Variants in CSMD1 observed in about 807,000 individuals in gnomAD.
CSMD1 encodes CUB and Sushi multiple domains 1.
CSMD1 carries 213 observed loss-of-function variants against 417.5 expected under a neutral mutation model. The observed-to-expected ratio is 0.51, with a 90% CI of 0.46 to 0.57. The LOEUF (loss-of-function observed/expected upper bound fraction) is 0.57. Ranked by LOEUF, CSMD1 falls within the 20% of genes least tolerant of loss-of-function variation. The pLI is 0.00. For missense variants in CSMD1, 6,923 were observed against 4,529.7 expected, an observed-to-expected ratio of 1.53 and a Z score of -15.17; for synonymous variants, 2,862 against 1,736.8, an observed-to-expected ratio of 1.65 and a Z score of -16.11.
chr8:3,119,702 A>C (rs547492343), intron 41 of CSMD1, among the ~76,000 whole-genome samples: 2 of 152,336 alleles, frequency 1.3e-5, no homozygotes, highest in East Asian at 3.9e-4. Context: ...CCTCTCTAGC[A>C]TCTTTGAATA....
intron 8 of CSMD1, among the ~76,000 whole-genome samples, chr8:3,605,854 C>G (rs1320517405): frequency 6.6e-6 from 1 of 152,172 alleles, no homozygotes; most frequent in African/African-American, 2.4e-5. Flanking sequence ...AATCTATTCT[C>G]TGATGAGCAG....
intron 1 of CSMD1, among the ~76,000 whole-genome samples, chr8:4,824,355 G>A (rs183272301): frequency 6.6e-6 from 1 of 152,200 alleles, no homozygotes; most frequent in East Asian, 1.9e-4. Flanking sequence ...ATGAAAGTCT[G>A]AATGATATGC....
chr8:4,581,257 CA>C (rs1799404405), intron 2 of CSMD1, among the ~76,000 whole-genome samples: 1 of 152,046 alleles, frequency 6.6e-6, no homozygotes, highest in African/African-American at 2.4e-5. Context: ...TTGGGCATTT[CA>C]AAATGTTTAT....
chr8:3,556,241 C>T (rs11988000), intron 10 of CSMD1, among the ~76,000 whole-genome samples: 29,398 of 151,012 alleles, frequency 0.19, 4,545 homozygotes, highest in African/African-American at 0.44. Flanking sequence ...GGATCCTTTC[C>T]ATGTTTTTTG....
chr8:4,321,686 T>C (rs547494448), intron 3 of CSMD1, among the ~76,000 whole-genome samples: 99 of 152,320 alleles, frequency 6.5e-4, no homozygotes, highest in African/African-American at 2.2e-3. Context: ...ATTCCTAAGA[T>C]AGTGATAGGA....
chr8:4,159,049 G>A (rs1289851613), intron 3 of CSMD1, among the ~76,000 whole-genome samples: 2 of 152,046 alleles, frequency 1.3e-5, no homozygotes, highest in South Asian at 2.1e-4. Flanking sequence ...CATAGTAACT[G>A]GGATTACAGG....
At chr8:4,076,373 G>T (rs760863754) in intron 3 of CSMD1, among the ~76,000 whole-genome samples, 4 of 152,150 alleles carry the variant, frequency 2.6e-5, no homozygotes, top group East Asian at 1.9e-4. Context: ...AAGTTACCCT[G>T]TCTGAGGTAG....
At chr8:3,036,362 G>C (rs1318976726) in intron 50 of CSMD1, among the ~76,000 whole-genome samples, 1 of 152,094 alleles carries the variant, frequency 6.6e-6, no homozygotes, top group Non-Finnish European at 1.5e-5. Context: ...CCTAGATTCT[G>C]GATGCAATTG....
chr8:4,671,853 A>C (rs963688828), intron 1 of CSMD1, among the ~76,000 whole-genome samples: 4 of 152,134 alleles, frequency 2.6e-5, no homozygotes, highest in African/African-American at 9.7e-5. Flanking sequence ...TTTATGCTTC[A>C]TCTTTTTAAA....
At chr8:4,185,789 G>C (rs933881959) in intron 3 of CSMD1, among the ~76,000 whole-genome samples, 2 of 152,206 alleles carry the variant, frequency 1.3e-5, no homozygotes, top group South Asian at 2.1e-4. Flanking sequence ...AAATGTGTAA[G>C]ATGAGTGGCA....
chr8:4,162,251 G>A (rs940625045), intron 3 of CSMD1, among the ~76,000 whole-genome samples: 1 of 152,142 alleles, frequency 6.6e-6, no homozygotes, highest in African/African-American at 2.4e-5. Flanking sequence ...GAAACATTCT[G>A]CAATAAAATG....
chr8:3,128,544 T>C (rs1034396828), intron 41 of CSMD1: 1 of 266,052 alleles, frequency 3.8e-6, no homozygotes, highest in Non-Finnish European at 7.4e-6. Context: ...GCTTAGCTTC[T>C]AAATCTCAAG....
chr8:4,180,468 C>A (rs1177685173), intron 3 of CSMD1, among the ~76,000 whole-genome samples: 3 of 150,562 alleles, frequency 2.0e-5, no homozygotes, highest in Non-Finnish European at 4.4e-5. Context: ...AGGAGATATG[C>A]CTAATGCTAA....
intron 3 of CSMD1, among the ~76,000 whole-genome samples, chr8:4,418,316 A>G (rs1381280802): frequency 6.6e-6 from 1 of 152,182 alleles, no homozygotes; most frequent in African/African-American, 2.4e-5. Flanking sequence ...TTGGAGTAAC[A>G]AAGAAATATT....
intron 25 of CSMD1, 91 bp downstream of exon 25, chr8:3,307,587 TAGTTCAGAAACTTTAAC>T (rs1804975351): frequency 2.4e-5 from 31 of 1,268,998 alleles, no homozygotes; most frequent in Non-Finnish European, 3.0e-5. Flanking sequence ...TTTTCTTCTT[TAGTTCAGAAACTTTAAC>T]CATGGATATT....
chr8:3,238,637 G>C (rs1161245600), intron 26 of CSMD1, among the ~76,000 whole-genome samples: 1 of 152,038 alleles, frequency 6.6e-6, no homozygotes, highest in Non-Finnish European at 1.5e-5. Context: ...TTGTCATTTA[G>C]AATTATTGAT....
intron 9 of CSMD1, among the ~76,000 whole-genome samples, chr8:3,584,056 A>T (rs1259704272): frequency 6.6e-6 from 1 of 152,122 alleles, no homozygotes; most frequent in Non-Finnish European, 1.5e-5. Flanking sequence ...CCAGCAGTAT[A>T]AGTCATTATT....
At chr8:4,032,122 G>A (rs747138098) in intron 3 of CSMD1, 23 bp from the exon 4 acceptor site, 7 of 1,554,668 alleles carry the variant, frequency 4.5e-6, no homozygotes, top group African/African-American at 2.7e-5. Flanking sequence ...GAAAAGAAAG[G>A]AGAAAAAACA....
At chr8:3,581,079 A>C (rs1352833218) in intron 9 of CSMD1, among the ~76,000 whole-genome samples, 1 of 152,176 alleles carries the variant, frequency 6.6e-6, no homozygotes, top group African/African-American at 2.4e-5. Flanking sequence ...GGAGCAACTC[A>C]AAATATTAAC....
Sources: allele counts gnomAD v4.1 joint callset (sites outside exome capture counted in the v4.1 genomes callset), GRCh38; gene constraint gnomAD v4.1.1; transcripts MANE v1.5; gene names NCBI Gene and HGNC (gene_info 2026-07-23, HGNC 2026-07-21).